TARS2: variants seen among roughly 807,000 people sequenced by gnomAD.
TARS2 encodes the protein threonyl-tRNA synthetase 2, mitochondrial.
In TARS2, 61 loss-of-function variants were observed where a neutral mutation model predicts 94.4. The ratio of observed to expected loss-of-function variants is 0.65; its 90% confidence interval spans 0.53 to 0.80. The LOEUF (loss-of-function observed/expected upper bound fraction) is 0.80. Ranked by LOEUF, TARS2 falls within the 30% of genes least tolerant of loss-of-function variation. The pLI is 0.00. For synonymous variants in TARS2, 359 were observed against 353.4 expected, an observed-to-expected ratio of 1.02 and a Z score of -0.18; for missense variants, 704 against 902.5, an observed-to-expected ratio of 0.78 and a Z score of 2.82.
rs1323442428 is a variant in TARS2 at position 150,496,647 on chromosome 1, T to C, written c.921+19T>C. 1.9e-6 allele frequency: 3 copies of C among 1,608,980 alleles called. No individual in the cohort carries two copies. Among genetic ancestry groups the C allele is most frequent in the African/African-American group, 2.7e-5 (2 of 74,760 alleles). ...TGGGAAGGTACAGGAATTGGGAAGA[T>C]AGGGAGGGATGGTGATAAGGGTTGG... On this transcript the variant is annotated intron_variant, in intron 8 of 17. Transcript: ENST00000369064.
intron 13 of TARS2, among the ~76,000 whole-genome samples, chr1:150,500,356 G>A (rs886724894): frequency 1.3e-5 from 2 of 152,092 alleles, no homozygotes; most frequent in Admixed American, 1.3e-4. Context: ...TTGGGAGGCC[G>A]ACGTGGGTGG....
chr1:150,490,535 A>G, intron 3 of TARS2, 66 bp from the exon 4 acceptor site: 1 of 1,537,160 alleles, frequency 6.5e-7, no homozygotes, highest in Non-Finnish European at 8.7e-7. Flanking sequence ...TGTGAGGAAG[A>G]GCTCAGAGAT....
intron 17 of TARS2, among the ~76,000 whole-genome samples, chr1:150,506,316 G>T (rs1670198901): frequency 6.6e-6 from 1 of 151,970 alleles, no homozygotes; most frequent in South Asian, 2.1e-4. Flanking sequence ...CTCAGCAGAG[G>T]CCCCTCACTC....
intron 17 of TARS2, 104 bp downstream of exon 17, chr1:150,505,809 T>A: frequency 9.5e-7 from 1 of 1,054,528 alleles, no homozygotes; most frequent in Non-Finnish European, 1.4e-6. Context: ...TGGGGCTCAT[T>A]ACCTGAGCAG....
chr1:150,501,301 A>AT, intron 13 of TARS2, among the ~76,000 whole-genome samples: 1 of 39,640 alleles, frequency 2.5e-5, no homozygotes, highest in Admixed American at 2.1e-4. Context: ...TACAAAAAAA[A>AT]ATTTTTTTTT....
intron 7 of TARS2, among the ~76,000 whole-genome samples, chr1:150,494,283 C>G (rs1250177513): frequency 6.7e-6 from 1 of 149,260 alleles, no homozygotes; most frequent in Non-Finnish European, 1.5e-5. Flanking sequence ...AGGAGAGTCA[C>G]TTGAACTCTG....
rs1259402080 is a variant in TARS2 at position 150,507,081 on chromosome 1, G to GTACA, written c.*17_*18insTACA. 1.9e-6 allele frequency: 3 copies of GTACA among 1,613,170 alleles called. No homozygotes were observed. The African/African-American group carries it at 4.0e-5, about 22-fold the overall frequency. On this transcript the variant is annotated 3_prime_UTR_variant, in exon 18 of 18. Coordinates refer to ENST00000369064, the MANE Select transcript of TARS2 (RefSeq NM_025150.5). ...ATTTTCTGAGCCTTTGTACATAGAT[G>GTACA]AGGCAAAAACCTGCGAGTGCCATCA...
Position 150,499,260 on chromosome 1 carries a change from C to CA in TARS2, c.1586dup (p.Asn529LysfsTer11). On this transcript the variant is annotated frameshift_variant, in exon 13 of 18. Coordinates refer to ENST00000369064, the MANE Select transcript of TARS2 (RefSeq NM_025150.5). LOFTEE classifies it high-confidence loss of function. ...AGGAATTTGGAGAACCCTGGGACCT[C>CA]AACTCTGGAGATGGTGCCTTCTATG... 1 of 1,614,154 alleles carries CA rather than the reference C, an allele frequency of 6.2e-7. No individual in the cohort carries two copies. Among genetic ancestry groups the CA allele is most frequent in the Non-Finnish European group, 8.5e-7 (1 of 1,180,024 alleles).
chr1:150,501,334 T>TTTCC (rs1553905147), intron 13 of TARS2, among the ~76,000 whole-genome samples: 7 of 98,668 alleles, frequency 7.1e-5, no homozygotes, highest in African/African-American at 1.7e-4. Flanking sequence ...TTTTTTTTTA[T>TTTCC]TGAGACTATG....
chr1:150,503,642 T>C (rs188822553), intron 13 of TARS2, among the ~76,000 whole-genome samples: 2,283 of 103,126 alleles, frequency 0.022, 73 homozygotes, highest in African/African-American at 0.074. Context: ...TGTGTGTGTA[T>C]ATATGTGTGT....
In TARS2 at chr1:150,497,592, C is replaced by T. The variant is rs766101128; in HGVS notation, c.1083C>T (p.Leu361=). Residue 361 remains leucine, a synonymous_variant, in exon 10 of 18, where the codon CTC becomes CTT. Transcript: ENST00000369064. ...VKTPTLFSTK[L]WEQSGHWEHY... ...CTCCCACACTGTTTTCTACGAAGCT[C>T]TGGGAACAGTCAGGGCACTGGGAGC... 7.4e-6 allele frequency: 12 copies of T among 1,614,038 alleles called. No homozygotes were observed. Among genetic ancestry groups the T allele is most frequent in the Middle Eastern group, 1.6e-4 (1 of 6,080 alleles).
chr1:150,495,906 G>T (rs1297908935), intron 7 of TARS2, among the ~76,000 whole-genome samples: 4 of 150,426 alleles, frequency 2.7e-5, no homozygotes, highest in African/African-American at 9.8e-5. Context: ...ATTTTTAGTA[G>T]AGACGGGGTT....
chr1:150,506,079 G>A (rs774843840), intron 17 of TARS2, among the ~76,000 whole-genome samples: 2 of 152,094 alleles, frequency 1.3e-5, no homozygotes, highest in Non-Finnish European at 2.9e-5. Flanking sequence ...AAAGGCCTTA[G>A]GGAGAAAATT....
chr1:150,505,948 G>A lies in TARS2; in HGVS notation c.2008+243G>A, dbSNP rs202042648. 2.6e-5 allele frequency among the ~76,000 whole-genome samples: 4 copies of A among 152,092 alleles called. No individual in the cohort carries two copies. The East Asian group carries it at 7.7e-4, about 29-fold the overall frequency. On this transcript the variant is annotated intron_variant, in intron 17 of 17. Coordinates refer to ENST00000369064, the MANE Select transcript of TARS2 (RefSeq NM_025150.5). The stretch of plus-strand genomic sequence containing the variant: ...CTTTTTAACTCCACTCTAGCTGTTG[G>A]TGTCTGTTAGGTTAATTAACCAAGG...
intron 3 of TARS2, among the ~76,000 whole-genome samples, chr1:150,490,114 C>CTTTTTTTTTTT (rs772454527): frequency 1.7e-4 from 14 of 80,192 alleles, no homozygotes; most frequent in Non-Finnish European, 2.3e-4. Flanking sequence ...TCTATTCAGT[C>CTTTTTTTTTTT]TTTTTTTTTT....
At chr1:150,502,526 C>T (rs1669973871) in intron 13 of TARS2, among the ~76,000 whole-genome samples, 1 of 152,010 alleles carries the variant, frequency 6.6e-6, no homozygotes, top group South Asian at 2.1e-4. Flanking sequence ...GCTGGGATTA[C>T]AGGCACCCGC....
At chr1:150,506,793 C>G (rs1479656551) in intron 17 of TARS2, 123 bp from the exon 18 acceptor site, 1 of 1,281,184 alleles carries the variant, frequency 7.8e-7, no homozygotes, top group South Asian at 1.4e-5. Context: ...TTCTGTGAAC[C>G]ATATCTGGGC....
chr1:150,501,246 G>T (rs1349388382), intron 13 of TARS2, among the ~76,000 whole-genome samples: 1 of 146,820 alleles, frequency 6.8e-6, no homozygotes, highest in Non-Finnish European at 1.5e-5. Context: ...TTTGATACCA[G>T]CCTGGGCAAC....
intron 17 of TARS2, among the ~76,000 whole-genome samples, chr1:150,506,483 C>CGT (rs1354141540): frequency 4.1e-5 from 2 of 49,366 alleles, no homozygotes; most frequent in Admixed American, 2.8e-4. Context: ...CAGACACGCG[C>CGT]GCGCACACAC....
Sources: gnomAD v4.1 joint callset for allele counts (sites outside exome capture counted in the v4.1 genomes callset) on GRCh38, gnomAD v4.1.1 for gene constraint, MANE v1.5 for transcripts, NCBI Gene and HGNC (gene_info 2026-07-23, HGNC 2026-07-21) for gene names.